The following PPIL4 variants were observed in gnomAD, a reference collection of about 807,000 sequenced individuals.
PPIL4 encodes peptidylprolyl isomerase like 4.
Under a neutral mutation model 69.1 loss-of-function variants are expected in PPIL4, and 50 were observed. The ratio of observed to expected loss-of-function variants is 0.72; its 90% CI spans 0.58 to 0.92. The LOEUF is 0.92. Ranked by LOEUF, PPIL4 falls within the 40% of genes least tolerant of loss-of-function variation. The pLI is 0.00. For missense variants in PPIL4, 480 were observed against 587.9 expected (o/e 0.82, Z 1.90); for synonymous variants, 193 against 191.6 (o/e 1.01, Z -0.06).
chr6:149,512,088 T>C (rs1312830551), intron 12 of PPIL4, 67 bp downstream of exon 12: 3 of 1,312,178 alleles, frequency 2.3e-6, no homozygotes, highest in Non-Finnish European at 3.2e-6. Flanking sequence ...ATTATATCAC[T>C]AAGACATCAT....
Position 149,541,072 on chromosome 6 carries a change from A to T in PPIL4, c.204-13T>A. ...ACCATACAGTTGGCTGAAAAAACATATAAGGTTATAAATGTAAGTACTCTC... is the reference window on the plus strand; with the variant it reads ...ACCATACAGTTGGCTGAAAAAACATTTAAGGTTATAAATGTAAGTACTCTC... On this transcript the variant is annotated splice_polypyrimidine_tract_variant and intron_variant, in intron 3 of 12. Coordinates refer to ENST00000253329, the MANE Select transcript of PPIL4 (RefSeq NM_139126.4). The T allele has an allele frequency of 6.8e-7, 1 of 1,460,994 alleles. No homozygotes were observed. The highest frequency in any genetic ancestry group is 1.2e-5 in the South Asian group (1 of 86,830). The allele number at this position is 1,460,994 out of a possible 1,614,324, so 90.5% of individuals were successfully genotyped here. A position where few individuals can be genotyped will look rare whatever the true frequency, so the allele number is the denominator to read the frequency against.
intron 12 of PPIL4, among the ~76,000 whole-genome samples, chr6:149,510,040 A>C (rs1362824812): frequency 6.6e-6 from 1 of 152,160 alleles, no homozygotes; most frequent in Non-Finnish European, 1.5e-5. Flanking sequence ...GATTACAAGC[A>C]TGAGCCACTG....
chr6:149,525,181 C>T lies in PPIL4; in HGVS notation c.832G>A (p.Gly278Arg). The change falls in exon 9 of 13, where the codon GGA becomes AGA. Residue 278 changes from glycine (G) to arginine (R), a missense_variant. Transcript: ENST00000253329. ...ATAAAAGCGTAACAGAGGGACTCTC[C>T]TGTCTTCCAGTCTCGGATAACTTCA... ...SCEVIRDWKTGESLCYAFIEF... is the reference protein window; with the variant it reads ...SCEVIRDWKTRESLCYAFIEF... 6.4e-7 allele frequency: 1 copy of T among 1,568,688 alleles called. No homozygotes were observed. The highest frequency in any genetic ancestry group is 1.4e-5 in the African/African-American group (1 of 73,204).
intron 4 of PPIL4, among the ~76,000 whole-genome samples, chr6:149,536,865 C>A (rs947819357): frequency 3.3e-5 from 5 of 152,178 alleles, no homozygotes; most frequent in African/African-American, 1.2e-4. Context: ...GTGGCTCACG[C>A]CTATGTAATC....
Position 149,521,112 on chromosome 6 carries a change from T to C in PPIL4, c.930A>G (p.Arg310=). 6.2e-7 allele frequency: 1 copy of C among 1,608,646 alleles called. No homozygotes were observed. Among genetic ancestry groups the C allele is most frequent in the African/African-American group, 1.3e-5 (1 of 74,852 alleles). Residue 310 remains arginine, a synonymous_variant, in exon 10 of 13, where the codon AGA becomes AGG. Coordinates refer to ENST00000253329, the MANE Select transcript of PPIL4 (RefSeq NM_139126.4). ...CCGACTGGCTAAAATCCACATGTAT[T>C]CTTCTGTCATCTATAAGCACATTGT... ...KMDNVLIDDR[R]IHVDFSQSVA...
chr6:149,510,763 A>G (rs1053972674), intron 12 of PPIL4, among the ~76,000 whole-genome samples: 100 of 152,294 alleles, frequency 6.6e-4, no homozygotes, highest in African/African-American at 2.3e-3. Flanking sequence ...AAGAAAAGAA[A>G]CACTTTAACT....
chr6:149,525,025 T>G (rs1583208062), intron 9 of PPIL4, 118 bp downstream of exon 9: 2 of 524,528 alleles, frequency 3.8e-6, no homozygotes, highest in African/African-American at 4.0e-5. Flanking sequence ...AACTTAATTT[T>G]GGGGAGTGCC....
chr6:149,536,858 G>A (rs1240748720), intron 4 of PPIL4, among the ~76,000 whole-genome samples: 1 of 152,192 alleles, frequency 6.6e-6, no homozygotes, highest in Non-Finnish European at 1.5e-5. Flanking sequence ...AGGTGCAGTG[G>A]CTCACGCCTA....
chr6:149,545,848 A>G, intron 1 of PPIL4, 88 bp downstream of exon 1: 1 of 1,232,546 alleles, frequency 8.1e-7, no homozygotes, highest in South Asian at 1.3e-5. Flanking sequence ...AGCTCTAGCC[A>G]ATCTCTGCCC....
Position 149,526,718 on chromosome 6 carries a change from T to A in PPIL4, c.737A>T (p.Lys246Ile). The change falls in exon 8 of 13, where the codon AAA (lysine) becomes ATA (isoleucine). Residue 246 changes from lysine to isoleucine, a missense_variant. Transcript: ENST00000253329. ...KPPENVLFVCKLNPVTTDEDL... is the reference protein window; with the variant it reads ...KPPENVLFVCILNPVTTDEDL... ...CTCATCTGTGGTCACTGGGTTCAAT[T>A]TACACACAAACAGTACATTTTCTGG... 1 of 1,612,768 alleles carries A rather than the reference T, an allele frequency of 6.2e-7. No individual in the cohort carries two copies. The highest frequency in any genetic ancestry group is 8.5e-7 in the Non-Finnish European group (1 of 1,178,960).
At chr6:149,510,396 T>C (rs549470440) in intron 12 of PPIL4, among the ~76,000 whole-genome samples, 1 of 152,086 alleles carries the variant, frequency 6.6e-6, no homozygotes, top group Non-Finnish European at 1.5e-5. Context: ...TTTTTAAAAC[T>C]ACAAAACAAA....
chr6:149,531,738 C>T (rs916112847), intron 7 of PPIL4, among the ~76,000 whole-genome samples: 2 of 152,004 alleles, frequency 1.3e-5, no homozygotes, highest in Admixed American at 6.6e-5. Flanking sequence ...GGCGCGATCT[C>T]GGCTCACAGC....
Position 149,507,401 on chromosome 6 carries a change from G to A in PPIL4, c.1228-1697C>T, listed in dbSNP as rs114593163. Among the ~76,000 whole-genome samples the A allele has an allele frequency of 1.6e-3, 247 of 152,176 alleles. 1 individual carries two copies. The highest frequency in any genetic ancestry group is 5.5e-3 in the African/African-American group (230 of 41,542). On this transcript the variant is annotated intron_variant, in intron 12 of 12. Coordinates refer to ENST00000253329, the MANE Select transcript of PPIL4 (RefSeq NM_139126.4). ...GTCCCTGAGGTAGAAAAAATGAGTAGGCATTTTGGTTTAGCCTTTTGCCAT... is the reference window on the plus strand; with the variant it reads ...GTCCCTGAGGTAGAAAAAATGAGTAAGCATTTTGGTTTAGCCTTTTGCCAT...
intron 4 of PPIL4, among the ~76,000 whole-genome samples, chr6:149,536,362 G>A (rs891719186): frequency 6.6e-6 from 1 of 152,166 alleles, no homozygotes. Context: ...AGCTAAAAAT[G>A]ATTAAGCATA....
intron 10 of PPIL4, 114 bp downstream of exon 10, chr6:149,520,946 C>T: frequency 1.6e-6 from 1 of 607,802 alleles, no homozygotes. Flanking sequence ...CTGGGAGACA[C>T]AGGTTGCAGT....
At chr6:149,535,223 G>A (rs1777257211) in intron 5 of PPIL4, among the ~76,000 whole-genome samples, 1 of 152,130 alleles carries the variant, frequency 6.6e-6, no homozygotes, top group Non-Finnish European at 1.5e-5. Context: ...AGGTGTGGTG[G>A]CGGGCGCCTG....
At chr6:149,535,224 C>T (rs572249504) in intron 5 of PPIL4, among the ~76,000 whole-genome samples, 33 of 152,190 alleles carry the variant, frequency 2.2e-4, no homozygotes, top group South Asian at 1.0e-3. Context: ...GGTGTGGTGG[C>T]GGGCGCCTGT....
intron 11 of PPIL4, among the ~76,000 whole-genome samples, chr6:149,516,064 ATATAAG>A (rs1452035671): frequency 8.5e-5 from 13 of 152,324 alleles, no homozygotes; most frequent in South Asian, 2.1e-4. Flanking sequence ...ACACTATTCC[ATATAAG>A]TATATGTGTG....
Position 149,540,996 on chromosome 6 carries a change from CT to C in PPIL4, c.266del (p.Lys89ArgfsTer9), listed in dbSNP as rs1403759616. The C allele has an allele frequency of 3.2e-5, 52 of 1,612,738 alleles. No individual in the cohort carries two copies. Among genetic ancestry groups the C allele is most frequent in the Non-Finnish European group, 4.2e-5 (50 of 1,179,212 alleles). ...TCACCATGGACACTGTGCCTTTCTT[CT>C]TGTGCTTAATTCTTGGGACTTTTTC... ...EAEKVPRIKH[K>X]KKGTVSMVNN... On this transcript the variant is annotated frameshift_variant, in exon 4 of 13. Transcript: ENST00000253329. LOFTEE classifies it high-confidence loss of function.
Sources: allele counts gnomAD v4.1 joint callset (sites outside exome capture counted in the v4.1 genomes callset), GRCh38; gene constraint gnomAD v4.1.1; transcripts MANE v1.5; gene names NCBI Gene and HGNC (gene_info 2026-07-23, HGNC 2026-07-21).